Variants in PDLIM5 observed in about 807,000 individuals in gnomAD.
PDLIM5 encodes the protein PDZ and LIM domain 5.
Under a neutral mutation model 64.2 loss-of-function variants are expected in PDLIM5, and 34 were observed. The observed-to-expected ratio is 0.53, with a 90% CI of 0.40 to 0.71. The LOEUF is 0.71. PDLIM5 is among the 30% of genes least tolerant of loss of function. The probability of loss-of-function intolerance (pLI) is 0.00; values close to 1 mark genes in which losing one functional copy is unlikely to be tolerated. For synonymous variants in PDLIM5, 253 were observed against 269.1 expected (o/e 0.94, Z 0.59); for missense variants, 683 against 733.6 (o/e 0.93, Z 0.80).
chr4:94,555,877 GTTTA>G lies in PDLIM5; in HGVS notation c.249-17462_249-17459del, dbSNP rs946806228. Among the ~76,000 whole-genome samples the G allele has an allele frequency of 7.3e-5, 11 of 151,186 alleles. No individual in the cohort carries two copies. In the East Asian group the frequency reaches 9.7e-4, roughly 13 times the overall value. ...TAGGGAAGTTAATTAACTTGGGCAA[GTTTA>G]TTTATTTATTTTTATTTTTATTTAT... On this transcript the variant is annotated intron_variant, in intron 3 of 12. Coordinates refer to ENST00000317968, the MANE Select transcript of PDLIM5 (RefSeq NM_006457.5).
intron 2 of PDLIM5, among the ~76,000 whole-genome samples, chr4:94,491,958 G>A (rs2510799): frequency 0.19 from 28,302 of 151,446 alleles, 3,169 homozygotes; most frequent in Non-Finnish European, 0.25. Flanking sequence ...ATTATTGACT[G>A]TAGTCATCCT....
chr4:94,502,854 A>G (rs947089494), intron 2 of PDLIM5, among the ~76,000 whole-genome samples: 4 of 152,042 alleles, frequency 2.6e-5, no homozygotes, highest in African/African-American at 9.7e-5. Context: ...TTCATCCTGG[A>G]CAATGGAGTG....
intron 9 of PDLIM5, among the ~76,000 whole-genome samples, chr4:94,653,867 GT>G (rs1211477820): frequency 6.6e-6 from 1 of 152,122 alleles, no homozygotes; most frequent in Non-Finnish European, 1.5e-5. Flanking sequence ...ATAATACCTA[GT>G]TTACAGTTCC....
intron 7 of PDLIM5, among the ~76,000 whole-genome samples, chr4:94,595,216 T>A (rs1736976452): frequency 6.6e-6 from 1 of 152,174 alleles, no homozygotes; most frequent in African/African-American, 2.4e-5. Context: ...GGATTACAAT[T>A]TGACATGTGG....
chr4:94,665,689 T>G lies in PDLIM5; in HGVS notation c.*1622T>G. On this transcript the variant is annotated 3_prime_UTR_variant, in exon 13 of 13. Coordinates refer to ENST00000317968, the MANE Select transcript of PDLIM5 (RefSeq NM_006457.5). ...TTGCAGAATGATCTTTTTGTTTCGT[T>G]TTGTTTCTTCTTCTGCATTTAAAAA... 1 of 1,095,502 alleles carries G rather than the reference T, an allele frequency of 9.1e-7. No individual in the cohort carries two copies. Among genetic ancestry groups the G allele is most frequent in the Non-Finnish European group, 1.1e-6 (1 of 901,298 alleles). 67.9% of individuals were successfully genotyped at this position (1,095,502 alleles called of 1,614,324 possible). A position where few individuals can be genotyped will look rare whatever the true frequency, so the allele number is the denominator to read the frequency against.
At chr4:94,481,640 G>A (rs562862061) in intron 2 of PDLIM5, among the ~76,000 whole-genome samples, 10 of 149,482 alleles carry the variant, frequency 6.7e-5, no homozygotes, top group African/African-American at 2.0e-4. Flanking sequence ...ACGGAGTCTC[G>A]TTCTGTCACC....
intron 5 of PDLIM5, chr4:94,582,631 CTT>C: frequency 1.3e-6 from 1 of 786,632 alleles, no homozygotes; most frequent in South Asian, 1.6e-5. Flanking sequence ...TTTCTCCCCT[CTT>C]TGTCTGTTGT....
At chr4:94,606,552 A>G (rs1049641718) in intron 7 of PDLIM5, among the ~76,000 whole-genome samples, 3 of 152,032 alleles carry the variant, frequency 2.0e-5, no homozygotes, top group African/African-American at 7.2e-5. Flanking sequence ...GAGCAAGCCA[A>G]AGAGAGTGGA....
At chr4:94,583,185 GA>G (rs1735879494) in intron 5 of PDLIM5, among the ~76,000 whole-genome samples, 1 of 151,964 alleles carries the variant, frequency 6.6e-6, no homozygotes, top group Admixed American at 6.6e-5. Flanking sequence ...TGGAGTTTCA[GA>G]ACCAGAAAAC....
intron 2 of PDLIM5, among the ~76,000 whole-genome samples, chr4:94,519,785 G>A (rs1729671525): frequency 6.6e-6 from 1 of 152,088 alleles, no homozygotes; most frequent in Admixed American, 6.6e-5. Flanking sequence ...TTATCTTTGG[G>A]TCTTTCCTAG....
intron 7 of PDLIM5, among the ~76,000 whole-genome samples, chr4:94,591,745 C>G (rs1736690964): frequency 6.6e-6 from 1 of 152,196 alleles, no homozygotes; most frequent in Admixed American, 6.5e-5. Context: ...CCTCTCCTAC[C>G]CACTCCTGCT....
intron 2 of PDLIM5, among the ~76,000 whole-genome samples, chr4:94,509,981 G>GT (rs1728728714): frequency 6.6e-6 from 1 of 152,148 alleles, no homozygotes; most frequent in South Asian, 2.1e-4. Flanking sequence ...TTGCCACGCA[G>GT]TATCAACCAT....
chr4:94,480,105 TACTC>T (rs1223170660), intron 2 of PDLIM5, among the ~76,000 whole-genome samples: 4 of 152,246 alleles, frequency 2.6e-5, no homozygotes, highest in Non-Finnish European at 5.9e-5. Flanking sequence ...TGACTTCTCT[TACTC>T]ACCATGATTA....
At chr4:94,618,700 G>A (rs73834210) in intron 8 of PDLIM5, among the ~76,000 whole-genome samples, 2,989 of 151,330 alleles carry the variant, frequency 0.02, 38 homozygotes, top group East Asian at 0.066. Flanking sequence ...CCTGGCCTCA[G>A]TTTGGAAACC....
intron 2 of PDLIM5, among the ~76,000 whole-genome samples, chr4:94,507,085 AG>A (rs1248004044): frequency 6.6e-6 from 1 of 152,056 alleles, no homozygotes; most frequent in Non-Finnish European, 1.5e-5. Context: ...GCTGCACTGT[AG>A]GCGTCTCTGC....
intron 2 of PDLIM5, among the ~76,000 whole-genome samples, chr4:94,523,463 A>C (rs573480042): frequency 6.6e-6 from 1 of 152,314 alleles, no homozygotes; most frequent in Non-Finnish European, 1.5e-5. Context: ...ACAATAAAGA[A>C]ATGGAGAAAT....
chr4:94,558,907 T>C (rs1260418624), intron 3 of PDLIM5, among the ~76,000 whole-genome samples: 1 of 152,106 alleles, frequency 6.6e-6, no homozygotes, highest in Non-Finnish European at 1.5e-5. Flanking sequence ...AAACCATGTG[T>C]TGGGTTACCT....
At chr4:94,577,850 A>T in intron 5 of PDLIM5, among the ~76,000 whole-genome samples, 1 of 686 alleles carries the variant, frequency 1.5e-3, no homozygotes, top group Non-Finnish European at 2.8e-3. Context: ...TTTTTTTTTG[A>T]GACGGAGTCT....
intron 1 of PDLIM5, among the ~76,000 whole-genome samples, chr4:94,454,315 G>A (rs369972982): frequency 1.3e-4 from 20 of 150,176 alleles, no homozygotes; most frequent in Admixed American, 5.3e-4. Context: ...CAACCAATAG[G>A]AAACTCGAAG....
Sources: allele counts gnomAD v4.1 joint callset (sites outside exome capture counted in the v4.1 genomes callset), GRCh38; gene constraint gnomAD v4.1.1; transcripts MANE v1.5; gene names NCBI Gene and HGNC (gene_info 2026-07-23, HGNC 2026-07-21).